PSD3: variants seen among roughly 807,000 people sequenced by gnomAD.
PSD3 encodes PH and SEC7 domain-containing protein 3.
A neutral mutation model predicts 105.5 loss-of-function variants in PSD3; 49 were observed. The observed-to-expected ratio is 0.46, with a 90% CI of 0.37 to 0.59. The LOEUF is 0.59. Ranked by LOEUF, PSD3 falls within the 20% of genes least tolerant of loss-of-function variation. PSD3 has a pLI of 0.00. For synonymous variants in PSD3, 557 were observed against 457.8 expected, an observed-to-expected ratio of 1.22 and a Z score of -2.77; for missense variants, 1,561 against 1,263.8, an observed-to-expected ratio of 1.24 and a Z score of -3.57.
chr8:18,788,853 T>C (rs540327500), intron 8 of PSD3, among the ~76,000 whole-genome samples: 3 of 152,342 alleles, frequency 2.0e-5, no homozygotes, highest in East Asian at 3.9e-4. Context: ...TTATTTTGCA[T>C]GCTTTGCTAT....
At chr8:18,574,215 C>G (rs13260474) in intron 13 of PSD3, among the ~76,000 whole-genome samples, 41,822 of 152,058 alleles carry the variant, frequency 0.28, 6,883 homozygotes, top group East Asian at 0.45. Context: ...AGAAACCACA[C>G]AAACAAACCT....
intron 12 of PSD3, among the ~76,000 whole-genome samples, chr8:18,577,817 G>C (rs1802554066): frequency 6.6e-6 from 1 of 152,002 alleles, no homozygotes. Context: ...TATACATTCT[G>C]AGTCTCCCCT....
At chr8:19,049,690 CAAAAAAAAAA>C (rs10584051) in intron 1 of PSD3, among the ~76,000 whole-genome samples, 3 of 64,352 alleles carry the variant, frequency 4.7e-5, no homozygotes, top group African/African-American at 1.0e-4. Flanking sequence ...GACCCTGTCT[CAAAAAAAAAA>C]AAAAAAAAAA....
intron 1 of PSD3, among the ~76,000 whole-genome samples, chr8:19,042,898 C>A (rs918264004): frequency 6.6e-6 from 1 of 152,206 alleles, no homozygotes; most frequent in Non-Finnish European, 1.5e-5. Flanking sequence ...CAGTTAAACA[C>A]AACTTCCATC....
intron 1 of PSD3, among the ~76,000 whole-genome samples, chr8:19,081,111 C>T (rs1829632355): frequency 6.6e-6 from 1 of 152,178 alleles, no homozygotes; most frequent in Non-Finnish European, 1.5e-5. Context: ...TTAGGGCAGG[C>T]TCTGGTCCCG....
intron 9 of PSD3, among the ~76,000 whole-genome samples, chr8:18,692,528 A>G (rs1801027322): frequency 6.6e-6 from 1 of 152,168 alleles, no homozygotes; most frequent in Non-Finnish European, 1.5e-5. Flanking sequence ...AGGTAAAAGC[A>G]GGAGCAACCA....
chr8:18,536,538 T>G (rs1799855704), intron 15 of PSD3, among the ~76,000 whole-genome samples: 1 of 152,220 alleles, frequency 6.6e-6, no homozygotes, highest in Non-Finnish European at 1.5e-5. Context: ...GTTGCTTTTC[T>G]GCAAGGATTA....
At chr8:18,765,894 G>A (rs1005312046) in intron 8 of PSD3, among the ~76,000 whole-genome samples, 4 of 151,848 alleles carry the variant, frequency 2.6e-5, no homozygotes, top group Admixed American at 1.3e-4. Context: ...CTTGAACCCG[G>A]GAGGCAGAGG....
chr8:18,885,829 C>G (rs1027615058), intron 2 of PSD3, among the ~76,000 whole-genome samples: 1 of 152,186 alleles, frequency 6.6e-6, no homozygotes, highest in African/African-American at 2.4e-5. Context: ...AAAAGCGACA[C>G]TTTTAACAAA....
chr8:18,608,135 G>A (rs983761375), intron 11 of PSD3, among the ~76,000 whole-genome samples: 1 of 152,166 alleles, frequency 6.6e-6, no homozygotes, highest in African/African-American at 2.4e-5. Context: ...TAGGAGGACT[G>A]TTTCAGTCCA....
At chr8:18,586,871 A>G (rs1436159029) in intron 12 of PSD3, among the ~76,000 whole-genome samples, 1 of 152,132 alleles carries the variant, frequency 6.6e-6, no homozygotes, top group Non-Finnish European at 1.5e-5. Flanking sequence ...TATGGGGTAG[A>G]AAGGTGTGGA....
intron 1 of PSD3, among the ~76,000 whole-genome samples, chr8:18,980,988 TA>T (rs1318871533): frequency 6.6e-6 from 1 of 152,144 alleles, no homozygotes; most frequent in Non-Finnish European, 1.5e-5. Context: ...CCAACCTGGC[TA>T]AATCTTTTAC....
intron 9 of PSD3, among the ~76,000 whole-genome samples, chr8:18,657,121 G>C (rs1396572177): frequency 6.6e-6 from 1 of 152,158 alleles, no homozygotes; most frequent in Non-Finnish European, 1.5e-5. Flanking sequence ...CTAACCTCTT[G>C]TCTTTCAAAC....
chr8:18,611,370 A>G (rs964482628), intron 11 of PSD3, among the ~76,000 whole-genome samples: 1 of 152,184 alleles, frequency 6.6e-6, no homozygotes, highest in African/African-American at 2.4e-5. Context: ...ATTGCAAATG[A>G]TCATCATCCT....
intron 12 of PSD3, among the ~76,000 whole-genome samples, chr8:18,590,955 G>A (rs1803558574): frequency 6.6e-6 from 1 of 152,132 alleles, no homozygotes; most frequent in Non-Finnish European, 1.5e-5. Context: ...GTTATACTAT[G>A]ATTCCACATA....
At chr8:18,640,894 A>C (rs1011136145) in intron 10 of PSD3, among the ~76,000 whole-genome samples, 3 of 152,140 alleles carry the variant, frequency 2.0e-5, no homozygotes, top group Non-Finnish European at 4.4e-5. Flanking sequence ...CTTTTGCCTT[A>C]CTATGTGGCA....
chr8:18,725,183 T>C (rs971409108), intron 9 of PSD3, among the ~76,000 whole-genome samples: 1 of 152,186 alleles, frequency 6.6e-6, no homozygotes, highest in Non-Finnish European at 1.5e-5. Flanking sequence ...ACCCAAATTC[T>C]ATCCATCCTT....
At chr8:18,634,480 C>T (rs1807117886) in intron 10 of PSD3, among the ~76,000 whole-genome samples, 1 of 152,064 alleles carries the variant, frequency 6.6e-6, no homozygotes, top group Non-Finnish European at 1.5e-5. Context: ...AAGTTTAATA[C>T]AATGAATTAA....
At chr8:19,042,370 C>G (rs1478582086) in intron 1 of PSD3, among the ~76,000 whole-genome samples, 1 of 152,128 alleles carries the variant, frequency 6.6e-6, no homozygotes, top group East Asian at 1.9e-4. Context: ...CCAACATGTT[C>G]TCCAAGCAAA....
Sources: allele counts gnomAD v4.1 joint callset (sites outside exome capture counted in the v4.1 genomes callset), GRCh38; gene constraint gnomAD v4.1.1; transcripts MANE v1.5; gene names NCBI Gene and HGNC (gene_info 2026-07-23, HGNC 2026-07-21).